The following PCNX1 variants were observed in gnomAD, a reference collection of about 807,000 sequenced individuals.
The protein encoded by PCNX1 is pecanex 1, also known as pecanex-like protein 1.
PCNX1 carries 78 observed loss-of-function variants against 242.2 expected under a neutral mutation model. The ratio of observed to expected loss-of-function variants is 0.32; its 90% CI spans 0.27 to 0.39. The LOEUF is 0.39. Among genes scored for constraint, PCNX1 ranks in the 10% least tolerant of loss-of-function variants. The pLI is 1.00. For synonymous variants in PCNX1, 1,024 were observed against 1,032.9 expected (o/e 0.99, Z 0.17); for missense variants, 2,581 against 2,856.5 (o/e 0.90, Z 2.20).
chr14:71,065,982 T>TG (rs2061436205), intron 26 of PCNX1, among the ~76,000 whole-genome samples: 1 of 222 alleles, frequency 4.5e-3, no homozygotes, highest in Non-Finnish European at 7.7e-3. Context: ...TATATCTGTT[T>TG]TGTACAAGTA....
chr14:71,088,695 A>G (rs551941722), intron 29 of PCNX1, among the ~76,000 whole-genome samples: 93 of 152,136 alleles, frequency 6.1e-4, no homozygotes, highest in Non-Finnish European at 1.2e-3. Context: ...CAACCACCCC[A>G]TGAATTTTGA....
intron 8 of PCNX1, among the ~76,000 whole-genome samples, chr14:70,999,607 A>G (rs925287464): frequency 6.6e-6 from 1 of 152,140 alleles, no homozygotes; most frequent in East Asian, 1.9e-4. Context: ...CTTTTGTTTT[A>G]TTACTGTGTA....
chr14:70,961,937 T>G (rs2058229941), intron 2 of PCNX1, among the ~76,000 whole-genome samples: 1 of 152,206 alleles, frequency 6.6e-6, no homozygotes. Flanking sequence ...ACATATTTAG[T>G]ATGCTATAAT....
chr14:71,078,311 T>C (rs2061767991), intron 28 of PCNX1, among the ~76,000 whole-genome samples: 1 of 152,216 alleles, frequency 6.6e-6, no homozygotes, highest in Non-Finnish European at 1.5e-5. Context: ...CCTGGGGACA[T>C]TAATCAGGCC....
Position 71,011,535 on chromosome 14 carries a change from T to C in PCNX1, c.2764T>C (p.Tyr922His). The C allele has an allele frequency of 6.4e-7, 1 of 1,557,648 alleles. No homozygotes were observed. Among genetic ancestry groups the C allele is most frequent in the Non-Finnish European group, 8.8e-7 (1 of 1,130,956 alleles). ...HVSSSTSVRF[Y>H]PHDVLSLPQI... ...ATCCAGTTCTACCTCAGTTCGATTTTATCCACATGATGTGGTAGGTTTTTC... is the reference window on the plus strand; with the variant it reads ...ATCCAGTTCTACCTCAGTTCGATTTCATCCACATGATGTGGTAGGTTTTTC... Residue 922 changes from tyrosine to histidine, a missense_variant, in exon 10 of 36, where the codon TAT becomes CAT. Tyr to His is a moderately conservative substitution (Grantham distance 83). Coordinates refer to ENST00000304743, the MANE Select transcript of PCNX1 (RefSeq NM_014982.3).
At chr14:71,077,376 C>T (rs1029367103) in intron 28 of PCNX1, among the ~76,000 whole-genome samples, 4 of 152,162 alleles carry the variant, frequency 2.6e-5, no homozygotes, top group African/African-American at 9.7e-5. Context: ...ACAGATGTAC[C>T]TGCTATCATG....
chr14:71,038,785 T>C (rs376112652), intron 19 of PCNX1, among the ~76,000 whole-genome samples: 2 of 151,810 alleles, frequency 1.3e-5, no homozygotes, highest in African/African-American at 4.8e-5. Flanking sequence ...ATGTTTATTG[T>C]GGCATTATTC....
At position 71,002,014 on chromosome 14, in the gene PCNX1, A is replaced by G. The variant is rs117286917; in HGVS notation, c.2629+6089A>G. Among the ~76,000 whole-genome samples, 216 of 152,294 alleles carry G rather than the reference A, an allele frequency of 1.4e-3. 5 individuals carry two copies. The East Asian group carries it at 0.039, about 27-fold the overall frequency. ...CGTTTTCTCCCACCTTTCATTGGCCATACATAATCATGTGACAACTTCTCG... is the reference window on the plus strand; with the variant it reads ...CGTTTTCTCCCACCTTTCATTGGCCGTACATAATCATGTGACAACTTCTCG... On this transcript the variant is annotated intron_variant, in intron 8 of 35. Transcript: ENST00000304743.
At chr14:71,104,893 T>C (rs2062568096) in intron 32 of PCNX1, among the ~76,000 whole-genome samples, 1 of 151,890 alleles carries the variant, frequency 6.6e-6, no homozygotes, top group Admixed American at 6.6e-5. Context: ...GCCACTGCAC[T>C]CCAGCCTGGT....
intron 6 of PCNX1, among the ~76,000 whole-genome samples, chr14:70,981,753 GTTTTC>G (rs2058845856): frequency 6.6e-6 from 1 of 152,110 alleles, no homozygotes; most frequent in African/African-American, 2.4e-5. Context: ...AATGTCCTGT[GTTTTC>G]TAGCCTGTAT....
intron 30 of PCNX1, among the ~76,000 whole-genome samples, chr14:71,101,170 T>C (rs1288553601): frequency 6.6e-6 from 1 of 152,202 alleles, no homozygotes; most frequent in Non-Finnish European, 1.5e-5. Context: ...ATTACTTTAC[T>C]GGGATACAGA....
At chr14:70,951,425 A>C (rs2057773644) in intron 2 of PCNX1, among the ~76,000 whole-genome samples, 2 of 152,008 alleles carry the variant, frequency 1.3e-5, no homozygotes, top group Admixed American at 1.3e-4. Flanking sequence ...TGCCCAGACG[A>C]GTGCAGTGGT....
chr14:70,948,862 CATATGTATATATAGAT>C (rs2057590588), intron 2 of PCNX1, among the ~76,000 whole-genome samples: 1 of 145,392 alleles, frequency 6.9e-6, no homozygotes, highest in Non-Finnish European at 1.5e-5. Flanking sequence ...TATATATACA[CATATGTATATATAGAT>C]ATGTGTATAT....
chr14:71,084,740 T>C (rs944868144), intron 28 of PCNX1, among the ~76,000 whole-genome samples: 2 of 152,216 alleles, frequency 1.3e-5, no homozygotes, highest in Admixed American at 1.3e-4. Flanking sequence ...ACTGCTGTGC[T>C]GGCAGCAAGA....
intron 28 of PCNX1, among the ~76,000 whole-genome samples, chr14:71,079,576 C>G (rs921057133): frequency 6.6e-6 from 1 of 152,118 alleles, no homozygotes; most frequent in African/African-American, 2.4e-5. Context: ...GCCATTCTAA[C>G]GGGAGTGAGA....
chr14:71,109,791 T>G lies in PCNX1; in HGVS notation c.6886-4T>G, dbSNP rs559741783. 1 of 1,612,428 alleles carries G rather than the reference T, an allele frequency of 6.2e-7. No homozygotes were observed. The highest frequency in any genetic ancestry group is 8.5e-7 in the Non-Finnish European group (1 of 1,178,454). On this transcript the variant is annotated splice_region_variant and splice_polypyrimidine_tract_variant and intron_variant, in intron 35 of 35. Coordinates refer to ENST00000304743, the MANE Select transcript of PCNX1 (RefSeq NM_014982.3). ...TAACTTCTTGTTTTATTCTGAATCA[T>G]TAGGTGATTCACCGATGGGTGCCTT...
chr14:71,070,946 G>A (rs991068028), intron 26 of PCNX1, among the ~76,000 whole-genome samples: 2 of 152,166 alleles, frequency 1.3e-5, no homozygotes, highest in African/African-American at 4.8e-5. Flanking sequence ...ATCTGTTGTT[G>A]TAGTGTAGCC....
intron 13 of PCNX1, among the ~76,000 whole-genome samples, chr14:71,024,772 T>C (rs1176666540): frequency 6.6e-6 from 1 of 152,184 alleles, no homozygotes; most frequent in East Asian, 1.9e-4. Context: ...CATTGTAGGA[T>C]GTTTGGCATC....
At chr14:70,980,182 A>T (rs1056854872) in intron 6 of PCNX1, among the ~76,000 whole-genome samples, 5 of 152,128 alleles carry the variant, frequency 3.3e-5, no homozygotes, top group African/African-American at 1.2e-4. Flanking sequence ...GTGTACAAAA[A>T]TATGTAGTAA....
Sources: allele counts gnomAD v4.1 joint callset (sites outside exome capture counted in the v4.1 genomes callset), GRCh38; gene constraint gnomAD v4.1.1; transcripts MANE v1.5; gene names NCBI Gene and HGNC (gene_info 2026-07-23, HGNC 2026-07-21).